Variants in CMTR1 observed in about 807,000 individuals in gnomAD.
CMTR1 encodes cap methyltransferase 1, also known as cap-specific mRNA (nucleoside-2'-O-)-methyltransferase 1.
In CMTR1, 39 loss-of-function variants were observed where a neutral mutation model predicts 107.0. The observed-to-expected ratio is 0.36, with a 90% CI of 0.28 to 0.48. CMTR1 has a LOEUF of 0.48. Among genes scored for constraint, CMTR1 ranks in the 20% least tolerant of loss-of-function variants. CMTR1 has a pLI of 0.99. For synonymous variants in CMTR1, 366 were observed against 379.5 expected, an observed-to-expected ratio of 0.96 and a Z score of 0.41; for missense variants, 672 against 1,064.9, an observed-to-expected ratio of 0.63 and a Z score of 5.14.
chr6:37,476,883 G>A lies in CMTR1; in HGVS notation c.2105+689G>A, dbSNP rs183137426. Among the ~76,000 whole-genome samples the A allele has an allele frequency of 3.0e-4, 45 of 152,318 alleles. 1 individual carries two copies. The East Asian group carries it at 7.7e-3, about 26-fold the overall frequency. ...ATTTACTTAGTTAAAATTAAATCCA[G>A]TATTGAGAATGCACTTTATAGATGG... On this transcript the variant is annotated intron_variant, in intron 20 of 23. Coordinates refer to ENST00000373451, the MANE Select transcript of CMTR1 (RefSeq NM_015050.3).
chr6:37,434,400 G>A (rs1235105897), intron 1 of CMTR1, among the ~76,000 whole-genome samples: 1 of 152,026 alleles, frequency 6.6e-6, no homozygotes, highest in Non-Finnish European at 1.5e-5. Context: ...CCAGCTTGTC[G>A]CCCACCCTGT....
intron 2 of CMTR1, among the ~76,000 whole-genome samples, chr6:37,439,604 T>A (rs917710704): frequency 2.6e-5 from 4 of 152,354 alleles, no homozygotes; most frequent in Middle Eastern, 3.4e-3. Context: ...TTTAAATTGC[T>A]CTAACAAGTT....
Position 37,459,694 on chromosome 6 carries a change from C to T in CMTR1, c.1095+10C>T. On this transcript the variant is annotated intron_variant, in intron 10 of 23. Transcript: ENST00000373451. Reference sequence around the variant, plus strand: ...TCTGATGGCTGATGGGGTAGGTTACCTTTTTTCCATAGACTGATGCATTAA... The same window carrying T: ...TCTGATGGCTGATGGGGTAGGTTACTTTTTTTCCATAGACTGATGCATTAA... The T allele has an allele frequency of 1.3e-6, 2 of 1,580,288 alleles. No homozygotes were observed. The highest frequency in any genetic ancestry group is 1.7e-6 in the Non-Finnish European group (2 of 1,149,306).
intron 4 of CMTR1, among the ~76,000 whole-genome samples, chr6:37,447,173 A>G (rs1359222281): frequency 6.6e-6 from 1 of 152,224 alleles, no homozygotes; most frequent in Non-Finnish European, 1.5e-5. Context: ...TCAAACATCT[A>G]GCTTTCTGCA....
intron 13 of CMTR1, among the ~76,000 whole-genome samples, chr6:37,470,278 C>G (rs1219917697): frequency 6.6e-6 from 1 of 151,988 alleles, no homozygotes; most frequent in East Asian, 1.9e-4. Context: ...TCCTGAGTAG[C>G]TGGGACTACA....
In CMTR1 at chr6:37,453,288, C is replaced by G. The variant is rs780906984; in HGVS notation, c.753C>G (p.Phe251Leu). The change falls in exon 8 of 24, where the codon TTC (phenylalanine) becomes TTG (leucine). Residue 251 changes from phenylalanine (F) to leucine (L), a missense_variant. Physicochemically the swap from Phe to Leu is conservative, Grantham distance 22 (BLOSUM62 0). Coordinates refer to ENST00000373451, the MANE Select transcript of CMTR1 (RefSeq NM_015050.3). Reference sequence around the variant, plus strand: ...TGGATTTTGTATTTGATCGCATGTTCACAAATCCGCGGGACTCTTATGGGG... The same window carrying G: ...TGGATTTTGTATTTGATCGCATGTTGACAAATCCGCGGGACTCTTATGGGG... ...ANMDFVFDRMFTNPRDSYGKP... is the reference protein window; with the variant it reads ...ANMDFVFDRMLTNPRDSYGKP... The G allele has an allele frequency of 1.9e-6, 3 of 1,614,182 alleles. No homozygotes were observed. Among genetic ancestry groups the G allele is most frequent in the South Asian group, 2.2e-5 (2 of 91,084 alleles).
chr6:37,476,743 C>G (rs1223870836), intron 20 of CMTR1, among the ~76,000 whole-genome samples: 1 of 152,206 alleles, frequency 6.6e-6, no homozygotes, highest in Non-Finnish European at 1.5e-5. Context: ...AGGCTGAGGT[C>G]TGAGGTTATT....
Position 37,474,593 on chromosome 6 carries a change from C to T in CMTR1, c.1891C>T (p.Leu631=). The T allele has an allele frequency of 2.5e-6, 4 of 1,614,136 alleles. No homozygotes were observed. The highest frequency in any genetic ancestry group is 3.4e-6 in the Non-Finnish European group (4 of 1,180,006). The part of the protein sequence containing the change: ...RWIKLDLKTE[L]PRDTLLSVEI... ...GATCAAGCTAGACCTGAAGACAGAG[C>T]TGCCCCGGGACACTCTGCTATCTGT... Residue 631 remains leucine (L), a synonymous_variant, in exon 18 of 24, where the codon CTG becomes TTG. Transcript: ENST00000373451.
At chr6:37,428,002 CAGAGACAGAGAGAGAGAGAG>C in the CMTR1 span, among the ~76,000 whole-genome samples, 16 of 87,724 alleles carry the variant, frequency 1.8e-4, no homozygotes, top group African/African-American at 6.1e-4. Context: ...ACCTAAGCAA[CAGAGACAGAGAGAGAGAGAG>C]AGAGAGAGAG....
At chr6:37,443,672 A>G (rs1194843164) in intron 2 of CMTR1, among the ~76,000 whole-genome samples, 1 of 152,174 alleles carries the variant, frequency 6.6e-6, no homozygotes, top group African/African-American at 2.4e-5. Context: ...GCATTTTCAA[A>G]TACGTTATTT....
intron 13 of CMTR1, among the ~76,000 whole-genome samples, chr6:37,468,452 C>T (rs1761554280): frequency 1.3e-5 from 2 of 152,168 alleles, no homozygotes; most frequent in African/African-American, 2.4e-5. Flanking sequence ...ACATACTTAC[C>T]TTTCTGGTGT....
In CMTR1 at chr6:37,481,493, A is replaced by AT. The variant is rs142394115; in HGVS notation, c.*1349dup. On this transcript the variant is annotated 3_prime_UTR_variant, in exon 24 of 24. Transcript: ENST00000373451. Reference sequence around the variant, plus strand: ...CTTGCAGAATCTTGGATCATTAAAGATAAACATATTTTTAATGCCTGTGTG... The same window carrying AT: ...CTTGCAGAATCTTGGATCATTAAAGATTAAACATATTTTTAATGCCTGTGTG... 1.1e-4 allele frequency: 118 copies of AT among 1,110,888 alleles called. No individual in the cohort carries two copies. The East Asian group carries it at 8.2e-3, about 77-fold the overall frequency. The allele number at this position is 1,110,888 out of a possible 1,614,324, so 68.8% of individuals were successfully genotyped here. A position where few individuals can be genotyped will look rare whatever the true frequency, so the allele number is the denominator to read the frequency against.
At chr6:37,427,097 G>A in the CMTR1 span, among the ~76,000 whole-genome samples, 24,216 of 152,166 alleles carry the variant, frequency 0.16, 3,696 homozygotes, top group African/African-American at 0.4. This position sits in a 1 kb window ranked among gnomAD's most constrained non-coding sequence, Gnocchi z 4.4. Flanking sequence ...TCTGCCATAT[G>A]GCTGAGTGGT....
intron 21 of CMTR1, 42 bp downstream of exon 21, chr6:37,477,681 G>A (rs781590196): frequency 2.7e-6 from 4 of 1,478,742 alleles, no homozygotes; most frequent in Middle Eastern, 1.8e-4. Flanking sequence ...AAGAGGAGGT[G>A]GGGGTGCGGC....
chr6:37,446,610 C>T (rs534031914), intron 4 of CMTR1, among the ~76,000 whole-genome samples, 161 bp downstream of exon 4: 11 of 152,200 alleles, frequency 7.2e-5, no homozygotes, highest in Admixed American at 1.3e-4. Flanking sequence ...GAATGGAAAA[C>T]AGAAGGCTGG....
chr6:37,442,131 G>A (rs78623876), intron 2 of CMTR1, among the ~76,000 whole-genome samples: 2,351 of 152,234 alleles, frequency 0.015, 57 homozygotes, highest in African/African-American at 0.054. Flanking sequence ...CTCTCTAAGG[G>A]TTGTTACTTT....
chr6:37,435,030 G>A (rs929952156), intron 1 of CMTR1, among the ~76,000 whole-genome samples: 5 of 151,988 alleles, frequency 3.3e-5, no homozygotes, highest in East Asian at 1.9e-4. Flanking sequence ...GTGTTTCCTC[G>A]GTCTTAAGTC....
At chr6:37,475,189 A>G (rs1323220206) in intron 18 of CMTR1, 132 bp from the exon 19 acceptor site, 7 of 726,898 alleles carry the variant, frequency 9.6e-6, no homozygotes, top group Non-Finnish European at 1.7e-5. Context: ...GGAGACAAGA[A>G]AAATATCCTG....
chr6:37,451,116 T>C (rs1209486434), intron 5 of CMTR1, among the ~76,000 whole-genome samples: 1 of 152,174 alleles, frequency 6.6e-6, no homozygotes, highest in Non-Finnish European at 1.5e-5. Context: ...ATGTTAACAT[T>C]AGCCTTTTAA....
Sources: gnomAD v4.1 joint callset for allele counts (sites outside exome capture counted in the v4.1 genomes callset) on GRCh38, gnomAD v4.1.1 for gene constraint, Gnocchi (gnomAD v3.1) non-coding constraint, MANE v1.5 for transcripts, NCBI Gene and HGNC (gene_info 2026-07-23, HGNC 2026-07-21) for gene names.